RPA1: variants seen among roughly 807,000 people sequenced by gnomAD.
RPA1 encodes replication protein A 70 kDa DNA-binding subunit.
Under a neutral mutation model 83.0 loss-of-function variants are expected in RPA1, and 49 were observed. The observed-to-expected ratio is 0.59, with a 90% CI of 0.47 to 0.75. RPA1 has a LOEUF of 0.75. RPA1 is among the 30% of genes least tolerant of loss of function. RPA1 has a pLI of 0.00. For synonymous variants in RPA1, 279 were observed against 281.8 expected (o/e 0.99, Z 0.10); for missense variants, 693 against 776.1 (o/e 0.89, Z 1.27).
intron 13 of RPA1, among the ~76,000 whole-genome samples, chr17:1,886,296 T>G (rs1012637971): frequency 6.6e-6 from 1 of 152,236 alleles, no homozygotes; most frequent in African/African-American, 2.4e-5. Context: ...AGCTTTGATA[T>G]TCTATTTATA....
At chr17:1,831,784 A>G (rs1358019987) in intron 1 of RPA1, among the ~76,000 whole-genome samples, 1 of 150,886 alleles carries the variant, frequency 6.6e-6, no homozygotes, top group Non-Finnish European at 1.5e-5. Context: ...ATTTTTTAGT[A>G]GAGACGGGGT....
intron 16 of RPA1, 69 bp downstream of exon 16, chr17:1,895,164 G>A: frequency 7.9e-7 from 1 of 1,266,668 alleles, no homozygotes; most frequent in South Asian, 1.2e-5. Context: ...GCAGTGTCGT[G>A]ACACTCCCTG....
chr17:1,882,720 A>G (rs1017454810), intron 12 of RPA1, among the ~76,000 whole-genome samples: 1 of 152,172 alleles, frequency 6.6e-6, no homozygotes, highest in African/African-American at 2.4e-5. Context: ...CTTTTATGGA[A>G]ACACTTTTGC....
chr17:1,864,781 T>G (rs1162879326), intron 5 of RPA1, among the ~76,000 whole-genome samples: 1 of 151,888 alleles, frequency 6.6e-6, no homozygotes, highest in Non-Finnish European at 1.5e-5. Context: ...GCACCTGTAA[T>G]CCCAGCTACT....
At chr17:1,878,630 G>A (rs769573278) in intron 8 of RPA1, among the ~76,000 whole-genome samples, 1 of 152,206 alleles carries the variant, frequency 6.6e-6, no homozygotes. Flanking sequence ...CACCTTCCTC[G>A]TGGGCTCTGG....
chr17:1,856,211 C>G (rs1162099277), intron 5 of RPA1, among the ~76,000 whole-genome samples: 2 of 151,844 alleles, frequency 1.3e-5, no homozygotes, highest in African/African-American at 4.8e-5. Flanking sequence ...CACCTGTGGT[C>G]CCAGCTACCT....
chr17:1,853,343 G>A (rs2287320), intron 5 of RPA1, among the ~76,000 whole-genome samples, 154 bp downstream of exon 5: 130,826 of 152,200 alleles, frequency 0.86, 56,603 homozygotes, highest in Non-Finnish European at 0.92. Flanking sequence ...GGCTTTTTCA[G>A]TTCTAAAGAA....
At chr17:1,864,943 G>C (rs963782828) in intron 5 of RPA1, among the ~76,000 whole-genome samples, 8 of 152,094 alleles carry the variant, frequency 5.3e-5, no homozygotes, top group Admixed American at 2.6e-4. Context: ...GGTGGTTCAC[G>C]CTCCCAGCTA....
chr17:1,849,949 A>T (rs1002109231), intron 4 of RPA1, among the ~76,000 whole-genome samples: 12 of 152,088 alleles, frequency 7.9e-5, no homozygotes, highest in African/African-American at 2.9e-4. Context: ...AGGTGGGTGG[A>T]TCACTTGAGG....
At chr17:1,831,813 A>T (rs1410385974) in intron 1 of RPA1, among the ~76,000 whole-genome samples, 1 of 143,226 alleles carries the variant, frequency 7.0e-6, no homozygotes, top group African/African-American at 2.6e-5. Context: ...GTTAGCCAGG[A>T]TGGTCTCGAT....
At chr17:1,896,027 G>T (rs769789826) in intron 16 of RPA1, among the ~76,000 whole-genome samples, 3 of 152,120 alleles carry the variant, frequency 2.0e-5, no homozygotes, top group Non-Finnish European at 2.9e-5. Context: ...GGTCTGCCAG[G>T]TAACTGTTCT....
intron 14 of RPA1, 106 bp downstream of exon 14, chr17:1,888,957 G>A (rs1914101038): frequency 8.3e-7 from 1 of 1,204,072 alleles, no homozygotes; most frequent in South Asian, 1.6e-5. Context: ...CTGGTAGGAA[G>A]CCCGCAGATG....
intron 2 of RPA1, 117 bp downstream of exon 2, chr17:1,842,970 C>CAAAAAAAA: frequency 2.0e-6 from 2 of 988,844 alleles, no homozygotes; most frequent in Admixed American, 4.2e-5. Context: ...CCCCCAGTCA[C>CAAAAAAAA]AAAAAATAGG....
chr17:1,872,168 A>AG (rs1223383942), intron 5 of RPA1: 4 of 467,700 alleles, frequency 8.6e-6, no homozygotes, highest in African/African-American at 1.9e-5. Flanking sequence ...GCAAGGCTTT[A>AG]GGGGAGAACC....
intron 1 of RPA1, among the ~76,000 whole-genome samples, chr17:1,842,249 G>T (rs1912077484): frequency 6.6e-6 from 1 of 151,932 alleles, no homozygotes; most frequent in Admixed American, 6.6e-5. Flanking sequence ...AATAATTTAT[G>T]CAAGTTTTTT....
At chr17:1,835,807 G>T (rs778914338) in intron 1 of RPA1, among the ~76,000 whole-genome samples, 2 of 152,082 alleles carry the variant, frequency 1.3e-5, no homozygotes, top group Non-Finnish European at 2.9e-5. Flanking sequence ...CATGCACGTG[G>T]TTTTAAAATC....
At position 1,843,929 on chromosome 17, in the gene RPA1, C is replaced by G. The variant is rs1912156866; in HGVS notation, c.94C>G (p.Pro32Ala). The change falls in exon 3 of 17, where the codon CCC becomes GCC. Residue 32 changes from proline (P) to alanine (A), a missense_variant. Pro to Ala is a conservative substitution (Grantham distance 27). Transcript: ENST00000254719. ...KPILQVINIR[P>A]ITTGNSPPRY... ...AAGTTTTCTGTCCTAGAACATCCGT[C>G]CCATTACTACGGGGAATAGTCCGCC... 2 of 1,613,710 alleles carry G rather than the reference C, an allele frequency of 1.2e-6. No homozygotes were observed. The highest frequency in any genetic ancestry group is 2.7e-5 in the African/African-American group (2 of 74,912).
intron 1 of RPA1, among the ~76,000 whole-genome samples, chr17:1,834,200 T>C (rs1911723520): frequency 6.6e-6 from 1 of 151,962 alleles, no homozygotes; most frequent in South Asian, 2.1e-4. Context: ...AGAATGATCA[T>C]GGAGATATTT....
Position 1,897,249 on chromosome 17 carries a change from C to T in RPA1, c.*74C>T, listed in dbSNP as rs530497321. 7.8e-5 allele frequency: 89 copies of T among 1,137,726 alleles called. No individual in the cohort carries two copies. In the African/African-American group the frequency reaches 1.2e-3, roughly 15 times the overall value. 70.5% of individuals were successfully genotyped at this position (1,137,726 alleles called of 1,614,324 possible). On this transcript the variant is annotated 3_prime_UTR_variant, in exon 17 of 17. Transcript: ENST00000254719. ...TCGATTTCCTCCCACCTCCGTGTGA[C>T]GATCCCATGTTAGCTACACAGTGCA... is the stretch of plus-strand genomic sequence containing the variant.
Sources: allele counts gnomAD v4.1 joint callset (sites outside exome capture counted in the v4.1 genomes callset), GRCh38; gene constraint gnomAD v4.1.1; transcripts MANE v1.5; gene names NCBI Gene and HGNC (gene_info 2026-07-23, HGNC 2026-07-21).